Variants in TPRG1 observed in about 807,000 individuals in gnomAD.
TPRG1 encodes the protein tumor protein p63-regulated gene 1 protein.
A neutral mutation model predicts 29.3 loss-of-function variants in TPRG1; 29 were observed. The ratio of observed to expected loss-of-function variants is 0.99; its 90% confidence interval spans 0.74 to 1.35. TPRG1 has a LOEUF of 1.35. Ranked by LOEUF, TPRG1 falls within the 40% of genes most tolerant of loss-of-function variation. The pLI, the probability that TPRG1 is intolerant of heterozygous loss-of-function variation, is 0.00. For synonymous variants in TPRG1, 130 were observed against 116.8 expected, an observed-to-expected ratio of 1.11 and a Z score of -0.73; for missense variants, 327 against 335.0, an observed-to-expected ratio of 0.98 and a Z score of 0.19.
intron 4 of TPRG1, among the ~76,000 whole-genome samples, chr3:189,042,049 T>C (rs561624380): frequency 5.5e-4 from 83 of 152,222 alleles, no homozygotes; most frequent in East Asian, 1.7e-3. Flanking sequence ...TTCTGAATCA[T>C]TGGGGAGCTC....
intron 4 of TPRG1, among the ~76,000 whole-genome samples, chr3:189,089,712 C>T (rs528032982): frequency 4.0e-4 from 61 of 152,242 alleles, no homozygotes; most frequent in African/African-American, 1.4e-3. Context: ...CATGATAATG[C>T]ACTAACCCAT....
At chr3:189,316,899 C>T (rs140595433) in intron 5 of TPRG1, among the ~76,000 whole-genome samples, 2,214 of 152,266 alleles carry the variant, frequency 0.015, 19 homozygotes, top group Middle Eastern at 0.037. Context: ...AGAGCCAGCT[C>T]GGGGACTTGG....
intron 4 of TPRG1, among the ~76,000 whole-genome samples, chr3:189,073,928 C>A (rs1716956607): frequency 6.6e-6 from 1 of 152,020 alleles, no homozygotes; most frequent in African/African-American, 2.4e-5. Context: ...TGTATTATTT[C>A]ATGTATTCTT....
At chr3:189,297,029 G>A (rs1720052212) in intron 4 of TPRG1, among the ~76,000 whole-genome samples, 1 of 152,014 alleles carries the variant, frequency 6.6e-6, no homozygotes, top group African/African-American at 2.4e-5. Context: ...AACCCAGGCA[G>A]AAGTACAGTG....
intron 4 of TPRG1, among the ~76,000 whole-genome samples, chr3:189,148,815 T>C (rs1725577090): frequency 6.6e-6 from 1 of 152,254 alleles, no homozygotes; most frequent in East Asian, 1.9e-4. Flanking sequence ...GGAAACCCAC[T>C]ATGTGAAATG....
intron 4 of TPRG1, among the ~76,000 whole-genome samples, chr3:189,288,082 G>A (rs958618388): frequency 1.3e-5 from 2 of 151,890 alleles, no homozygotes; most frequent in Non-Finnish European, 2.9e-5. Flanking sequence ...AGGAAAAAGA[G>A]AGAGGAGAGA....
chr3:189,303,685 G>A (rs892778961), intron 4 of TPRG1, among the ~76,000 whole-genome samples: 3 of 152,104 alleles, frequency 2.0e-5, no homozygotes, highest in African/African-American at 4.8e-5. Flanking sequence ...TTCATTAAGT[G>A]GTTTCTATGT....
At chr3:189,155,049 C>T (rs771840918) in intron 5 of TPRG1, among the ~76,000 whole-genome samples, 1 of 152,112 alleles carries the variant, frequency 6.6e-6, no homozygotes, top group Non-Finnish European at 1.5e-5. Flanking sequence ...GTGCAAGATG[C>T]CCTGAGGCCT....
chr3:189,117,959 G>A (rs1461030014), intron 1 of TPRG1, among the ~76,000 whole-genome samples: 1 of 152,206 alleles, frequency 6.6e-6, no homozygotes, highest in Non-Finnish European at 1.5e-5. Context: ...ACGTGGAAGT[G>A]ACTTTGGAAG....
chr3:189,000,258 G>A (rs1157982731), intron 1 of TPRG1, among the ~76,000 whole-genome samples: 1 of 152,020 alleles, frequency 6.6e-6, no homozygotes, highest in Non-Finnish European at 1.5e-5. Context: ...GGTGGTGGTT[G>A]TTGGATTCAA....
In TPRG1 at chr3:189,033,705, G is replaced by A. The variant is rs144033058; in HGVS notation, c.-463+9759G>A. Among the ~76,000 whole-genome samples, 1,040 of 151,580 alleles carry A rather than the reference G, an allele frequency of 6.9e-3. 13 individuals carry two copies. The highest frequency in any genetic ancestry group is 0.024 in the African/African-American group (970 of 41,264). On this transcript the variant is annotated intron_variant, in intron 4 of 10. Coordinates refer to the TPRG1 transcript ENST00000433971. ...TGCCATTCTCCTGCCTCAGCCTTCC[G>A]AGTAGCTGGGACTACAGGTACCAGC...
At chr3:189,027,561 T>C (rs115719389) in intron 4 of TPRG1, among the ~76,000 whole-genome samples, 1,801 of 152,306 alleles carry the variant, frequency 0.012, 31 homozygotes, top group African/African-American at 0.039. Context: ...ATTATTGTGA[T>C]TAAAATATGG....
intron 3 of TPRG1, chr3:189,217,775 G>GA: frequency 1.0e-6 from 1 of 969,400 alleles, no homozygotes; most frequent in Non-Finnish European, 1.2e-6. Flanking sequence ...TTTTCAAGCA[G>GA]AAAAATAAGA....
chr3:189,165,398 A>G (rs1389429628), intron 5 of TPRG1, among the ~76,000 whole-genome samples: 6 of 103,794 alleles, frequency 5.8e-5, no homozygotes, highest in African/African-American at 1.9e-4. Flanking sequence ...GACTGTCACG[A>G]TAGATGGAGA....
chr3:189,070,514 G>C (rs879731774), intron 4 of TPRG1, among the ~76,000 whole-genome samples: 3 of 152,182 alleles, frequency 2.0e-5, no homozygotes, highest in Admixed American at 6.5e-5. Context: ...TGCTATGATA[G>C]TATAGTTTTG....
chr3:189,199,984 C>A (rs1212366690), intron 1 of TPRG1, among the ~76,000 whole-genome samples: 1 of 152,138 alleles, frequency 6.6e-6, no homozygotes, highest in Non-Finnish European at 1.5e-5. Flanking sequence ...TAGAGAGGAA[C>A]CTGAAGTGCA....
At chr3:189,294,124 G>A (rs1307869681) in intron 4 of TPRG1, among the ~76,000 whole-genome samples, 3 of 152,204 alleles carry the variant, frequency 2.0e-5, no homozygotes, top group Non-Finnish European at 2.9e-5. Flanking sequence ...TACAAAACAT[G>A]TGAATGTCTC....
At chr3:189,023,303 T>C (rs549046107) in intron 3 of TPRG1, among the ~76,000 whole-genome samples, 176 of 152,366 alleles carry the variant, frequency 1.2e-3, no homozygotes, top group Middle Eastern at 3.4e-3. Context: ...TTAATACTTG[T>C]GATTGCATGG....
intron 4 of TPRG1, among the ~76,000 whole-genome samples, chr3:189,066,208 A>C (rs2152147414): frequency 6.6e-6 from 1 of 152,248 alleles, no homozygotes; most frequent in Non-Finnish European, 1.5e-5. Context: ...CCTGGGACCC[A>C]ATTGCTTCAT....
Sources: allele counts gnomAD v4.1 joint callset (sites outside exome capture counted in the v4.1 genomes callset), GRCh38; gene constraint gnomAD v4.1.1; transcripts MANE v1.5; gene names NCBI Gene and HGNC (gene_info 2026-07-23, HGNC 2026-07-21).